The following USP50 variants were observed in gnomAD, a reference collection of about 807,000 sequenced individuals.
The protein encoded by USP50 is ubiquitin carboxyl-terminal hydrolase 50.
A neutral mutation model predicts 39.2 loss-of-function variants in USP50; 37 were observed. The ratio of observed to expected loss-of-function variants is 0.94; its 90% CI spans 0.73 to 1.24. The LOEUF is 1.24. Among genes scored for constraint, USP50 ranks in the 50% most tolerant of loss-of-function variants. USP50 has a pLI of 0.00. For synonymous variants in USP50, 139 were observed against 144.5 expected (o/e 0.96, Z 0.27); for missense variants, 374 against 398.2 (o/e 0.94, Z 0.52).
intron 6 of USP50, chr15:50,506,036 G>C (rs1444531167): frequency 2.0e-5 from 3 of 152,196 alleles, no homozygotes; most frequent in African/African-American, 4.8e-5. Context: ...TTCTTTGGGA[G>C]CAGAGTATAA....
downstream of USP50, chr15:50,497,437 C>G (rs753738422): frequency 2.3e-6 from 1 of 425,560 alleles, no homozygotes; most frequent in Non-Finnish European, 4.0e-6. Flanking sequence ...GACAATACCA[C>G]TATTTCATGT....
At chr15:50,540,145 G>C (rs1281507878) in intron 4 of USP50, among the ~76,000 whole-genome samples, 3 of 152,166 alleles carry the variant, frequency 2.0e-5, no homozygotes, top group Non-Finnish European at 4.4e-5. Context: ...AATTCTGCAA[G>C]AAAACTTATT....
downstream of USP50, chr15:50,493,451 T>C (rs1202817465): frequency 5.8e-6 from 3 of 518,936 alleles, no homozygotes; most frequent in South Asian, 4.2e-5. Flanking sequence ...GAAAATATCT[T>C]TATCCTTAGG....
At chr15:50,498,968 G>T (rs1339898179), downstream of USP50, 3 of 1,613,832 alleles carry the variant, frequency 1.9e-6, no homozygotes, top group Non-Finnish European at 2.5e-6. Context: ...CAAGACAACG[G>T]TGGTTTAAGT....
intron 6 of USP50, among the ~76,000 whole-genome samples, chr15:50,527,268 G>T (rs548367637): frequency 6.6e-6 from 1 of 152,200 alleles, no homozygotes; most frequent in Non-Finnish European, 1.5e-5. Context: ...GCAGTGGCAC[G>T]ATCTCAGCTC....
At chr15:50,511,407 A>G (rs1304475981) in intron 6 of USP50, 1 of 152,216 alleles carries the variant, frequency 6.6e-6, no homozygotes, top group Non-Finnish European at 1.5e-5. Context: ...TATGACCCAG[A>G]AATTTCACAC....
At chr15:50,538,273 CA>C (rs766139797) in intron 5 of USP50, among the ~76,000 whole-genome samples, 1,253 of 17,218 alleles carry the variant, frequency 0.073, 8 homozygotes, top group African/African-American at 0.13. Context: ...GAGACTGTCT[CA>C]AAAAAAAAAA....
At chr15:50,500,012 T>G (rs2141334864), downstream of USP50, 1 of 152,206 alleles carries the variant, frequency 6.6e-6, no homozygotes, top group African/African-American at 2.4e-5. Context: ...AGTGATGTAT[T>G]AAGAGGGTTA....
chr15:50,533,893 G>A (rs1222178712), intron 5 of USP50, among the ~76,000 whole-genome samples: 1 of 152,218 alleles, frequency 6.6e-6, no homozygotes, highest in East Asian at 1.9e-4. Context: ...CCAGCTACTC[G>A]GGAGGCTGAG....
At chr15:50,506,944 C>A (rs1243896101) in intron 6 of USP50, 6 of 101,886 alleles carry the variant, frequency 5.9e-5, no homozygotes, top group African/African-American at 2.5e-4. Flanking sequence ...GGCGACAGAG[C>A]GAGACTTCAT....
At chr15:50,508,911 G>C (rs2141348850) in intron 6 of USP50, 1 of 151,622 alleles carries the variant, frequency 6.6e-6, no homozygotes, top group African/African-American at 2.4e-5. Context: ...GAGGCGGGCG[G>C]ATCACGAGGT....
chr15:50,511,038 A>T (rs62019118), intron 6 of USP50: 23,298 of 152,150 alleles, frequency 0.15, 2,344 homozygotes, highest in Admixed American at 0.28. Flanking sequence ...TTGGCCTCCC[A>T]AAGTGCTGGG....
intron 1 of USP50, among the ~76,000 whole-genome samples, chr15:50,494,961 G>C (rs1343847602): frequency 6.6e-6 from 1 of 151,194 alleles, no homozygotes. Context: ...GTTGCAGTGA[G>C]CCGAGATTGC....
intron 6 of USP50, among the ~76,000 whole-genome samples, chr15:50,522,868 G>A (rs766058700): frequency 1.6e-4 from 24 of 151,882 alleles, no homozygotes; most frequent in Admixed American, 3.3e-4. Context: ...GGCTGGTCTC[G>A]AACTCCTAAC....
Position 50,538,693 on chromosome 15 carries a change from A to C in USP50, c.803+16T>G. Reference sequence around the variant, plus strand: ...TGTTCGAAAATATGTGCCCACAAAAATGTAAAAATCCATACCTTTTTAGGT... The same window carrying C: ...TGTTCGAAAATATGTGCCCACAAAACTGTAAAAATCCATACCTTTTTAGGT... On this transcript the variant is annotated intron_variant, in intron 5 of 6. Coordinates refer to ENST00000532404, the MANE Select transcript of USP50 (RefSeq NM_203494.5). 2 of 1,551,574 alleles carry C rather than the reference A, an allele frequency of 1.3e-6. No individual in the cohort carries two copies. Among genetic ancestry groups the C allele is most frequent in the Non-Finnish European group, 1.7e-6 (2 of 1,148,484 alleles).
intron 1 of USP50, among the ~76,000 whole-genome samples, chr15:50,545,995 T>C (rs1478127550): frequency 1.3e-5 from 2 of 151,346 alleles, no homozygotes; most frequent in South Asian, 2.1e-4. Flanking sequence ...TTCATGTGAA[T>C]TGCCCAGACC....
At chr15:50,495,699 T>G (rs1189731109), downstream of USP50, 2 of 596,944 alleles carry the variant, frequency 3.4e-6, no homozygotes, top group African/African-American at 3.7e-5. Flanking sequence ...GCTAGAATTA[T>G]TTTTTGCCAC....
chr15:50,542,398 A>G (rs1267206282), intron 3 of USP50, among the ~76,000 whole-genome samples: 3 of 150,506 alleles, frequency 2.0e-5, no homozygotes, highest in African/African-American at 7.3e-5. Flanking sequence ...AGAAGAGGAC[A>G]TAAGTGATTT....
At chr15:50,506,941 G>C (rs958962698) in intron 6 of USP50, 1 of 111,114 alleles carries the variant, frequency 9.0e-6, no homozygotes, top group Non-Finnish European at 1.7e-5. Context: ...CTGGGCGACA[G>C]AGCGAGACTT....
Sources: gnomAD v4.1 joint callset for allele counts (sites outside exome capture counted in the v4.1 genomes callset) on GRCh38, gnomAD v4.1.1 for gene constraint, MANE v1.5 for transcripts, NCBI Gene and HGNC (gene_info 2026-07-23, HGNC 2026-07-21) for gene names.